The following ABCC12 variants were observed in gnomAD, a reference collection of about 807,000 sequenced individuals.
ABCC12 encodes ATP binding cassette subfamily C member 12.
Under a neutral mutation model 151.1 loss-of-function variants are expected in ABCC12, and 142 were observed. The observed-to-expected ratio is 0.94, with a 90% confidence interval of 0.82 to 1.08. The LOEUF is 1.08. ABCC12 is among the 50% of genes least tolerant of loss of function. The probability of loss-of-function intolerance (pLI) is 0.00; values close to 1 mark genes in which losing one functional copy is unlikely to be tolerated. For synonymous variants in ABCC12, 645 were observed against 646.4 expected, an observed-to-expected ratio of 1.00 and a Z score of 0.03; for missense variants, 1,638 against 1,691.1, an observed-to-expected ratio of 0.97 and a Z score of 0.55.
intron 24 of ABCC12, among the ~76,000 whole-genome samples, chr16:48,095,432 C>T (rs1963063029): frequency 6.6e-6 from 1 of 152,138 alleles, no homozygotes; most frequent in African/African-American, 2.4e-5. Context: ...AGAACTAACA[C>T]ACTAATTAAT....
intron 22 of ABCC12, among the ~76,000 whole-genome samples, chr16:48,102,966 T>C (rs1963359424): frequency 6.6e-6 from 1 of 152,154 alleles, no homozygotes; most frequent in African/African-American, 2.4e-5. Context: ...GCTGCCTACG[T>C]CTGGTCCTCA....
chr16:48,132,153 G>A (rs1028051518), intron 9 of ABCC12, among the ~76,000 whole-genome samples: 1 of 152,118 alleles, frequency 6.6e-6, no homozygotes, highest in African/African-American at 2.4e-5. Flanking sequence ...GTTGCTGGAG[G>A]AAAAAAATAG....
chr16:48,138,138 G>T, intron 8 of ABCC12, 90 bp downstream of exon 8: 1 of 1,409,456 alleles, frequency 7.1e-7, no homozygotes, highest in Non-Finnish European at 9.4e-7. Context: ...GCCTCCTTCT[G>T]GAATGCCTGG....
intron 22 of ABCC12, among the ~76,000 whole-genome samples, chr16:48,102,021 G>A (rs577912111): frequency 1.3e-5 from 2 of 152,144 alleles, no homozygotes; most frequent in African/African-American, 4.8e-5. Flanking sequence ...GGAACCTAAG[G>A]CCAATTCACG....
In ABCC12 at chr16:48,146,445, C is replaced by A. The variant is rs1965007036; in HGVS notation, c.-21G>T. On this transcript the variant is annotated 5_prime_UTR_variant, in exon 3 of 31. The change creates a new upstream start codon in the 5' untranslated region. Transcript: ENST00000311303. ...ACCATCCTGATGGCAGCCTGGAGCCCTGGGCTTTTGGCCTGGGGACACTTT... is the reference window on the plus strand; with the variant it reads ...ACCATCCTGATGGCAGCCTGGAGCCATGGGCTTTTGGCCTGGGGACACTTT... 6.2e-7 allele frequency: 1 copy of A among 1,607,092 alleles called. No individual in the cohort carries two copies. Among genetic ancestry groups the A allele is most frequent in the Non-Finnish European group, 8.5e-7 (1 of 1,173,784 alleles).
At chr16:48,096,666 G>T in intron 24 of ABCC12, 80 bp downstream of exon 24, 1 of 1,434,418 alleles carries the variant, frequency 7.0e-7, no homozygotes, top group Admixed American at 1.8e-5. Flanking sequence ...GGTTTTTGTT[G>T]TGTCCATCCA....
At chr16:48,111,960 C>A (rs1225938941) in intron 15 of ABCC12, 50 bp from the exon 16 acceptor site, 1 of 1,587,914 alleles carries the variant, frequency 6.3e-7, no homozygotes, top group East Asian at 2.2e-5. Context: ...AAGGAGAGCC[C>A]ATGCCAAACT....
intron 15 of ABCC12, 74 bp downstream of exon 15, chr16:48,115,341 G>A: frequency 1.3e-6 from 2 of 1,499,954 alleles, no homozygotes; most frequent in Non-Finnish European, 1.8e-6. Context: ...ATAGGCAGAA[G>A]AGGAGGCTCT....
In ABCC12 at chr16:48,081,090, T is replaced by G. The variant is rs8046592; in HGVS notation, c.*2625A>C. ...CCTATTCATGAGGTCTCCACCCTCATGACCTAATTAATCACCTCCTAAAGG... is the reference window on the plus strand; with the variant it reads ...CCTATTCATGAGGTCTCCACCCTCAGGACCTAATTAATCACCTCCTAAAGG... On this transcript the variant is annotated 3_prime_UTR_variant, in exon 31 of 31. Coordinates refer to ENST00000311303, the MANE Select transcript of ABCC12 (RefSeq NM_001393797.1). Among the ~76,000 whole-genome samples, 2 of 152,014 alleles carry G rather than the reference T, an allele frequency of 1.3e-5. No individual in the cohort carries two copies. Among genetic ancestry groups the G allele is most frequent in the Non-Finnish European group, 2.9e-5 (2 of 68,034 alleles).
intron 1 of ABCC12, among the ~76,000 whole-genome samples, chr16:48,154,438 G>A (rs1965156705): frequency 6.6e-6 from 1 of 152,060 alleles, no homozygotes; most frequent in Admixed American, 6.6e-5. Context: ...TTCATGTGGT[G>A]ACAATCCACT....
intron 4 of ABCC12, among the ~76,000 whole-genome samples, chr16:48,142,328 T>C (rs61695297): frequency 0.032 from 4,908 of 152,238 alleles, 250 homozygotes; most frequent in African/African-American, 0.11. Context: ...GCCACGGACA[T>C]GTTATTGGGG....
chr16:48,136,139 G>C (rs1308191810), intron 8 of ABCC12, among the ~76,000 whole-genome samples: 1 of 152,196 alleles, frequency 6.6e-6, no homozygotes, highest in Non-Finnish European at 1.5e-5. Context: ...CCTTTTCAGT[G>C]ATCAGGGCAG....
intron 6 of ABCC12, among the ~76,000 whole-genome samples, chr16:48,139,579 G>A (rs1289790744): frequency 2.0e-5 from 3 of 152,130 alleles, no homozygotes; most frequent in Non-Finnish European, 4.4e-5. Context: ...TACCATCTGG[G>A]AGCATGCTGG....
rs1282330794 is a variant in ABCC12 at position 48,088,628 on chromosome 16, T to C, written c.3392A>G (p.Asp1131Gly). The change falls in exon 26 of 31, where the codon GAC (aspartate) becomes GGC (glycine). Residue 1131 changes from aspartate to glycine, a missense_variant. Asp to Gly is a moderately conservative substitution (Grantham distance 94, BLOSUM62 -1). Transcript: ENST00000311303. The stretch of plus-strand genomic sequence containing the variant: ...GCTGTCGAGAACAAGGGGGGTGTTG[T>C]CTCTGTATCTCATCTGATAGTCTCT... ...TFRDYQMRYR[D>G]NTPLVLDSLN... 4 of 1,614,098 alleles carry C rather than the reference T, an allele frequency of 2.5e-6. No homozygotes were observed. The highest frequency in any genetic ancestry group is 1.3e-5 in the African/African-American group (1 of 74,926).
At chr16:48,098,387 G>C (rs932486954) in intron 23 of ABCC12, among the ~76,000 whole-genome samples, 1 of 152,154 alleles carries the variant, frequency 6.6e-6, no homozygotes, top group Non-Finnish European at 1.5e-5. Flanking sequence ...CCCTGGCATA[G>C]CTGTGAATGG....
Position 48,083,890 on chromosome 16 carries a change from C to A in ABCC12, c.3993+19G>T, listed in dbSNP as rs765349844. 6.2e-6 allele frequency: 10 copies of A among 1,612,374 alleles called. No individual in the cohort carries two copies. The highest frequency in any genetic ancestry group is 8.5e-6 in the Non-Finnish European group (10 of 1,179,558). ...CACTGGACTTTCTGGGGAGGTGAAG[C>A]CAAAAGAGCTTCCTATACCTTCCCA... is the stretch of plus-strand genomic sequence containing the variant. On this transcript the variant is annotated intron_variant, in intron 30 of 30. Coordinates refer to ENST00000311303, the MANE Select transcript of ABCC12 (RefSeq NM_001393797.1).
chr16:48,147,824 A>G (rs1346665686), intron 2 of ABCC12, among the ~76,000 whole-genome samples: 1 of 152,236 alleles, frequency 6.6e-6, no homozygotes, highest in Non-Finnish European at 1.5e-5. Flanking sequence ...CTTCATCTCA[A>G]AAAGATAAAT....
At chr16:48,124,769 T>C (rs886497584) in intron 11 of ABCC12, among the ~76,000 whole-genome samples, 1 of 152,234 alleles carries the variant, frequency 6.6e-6, no homozygotes, top group African/African-American at 2.4e-5. Flanking sequence ...CAGCTCCAGA[T>C]TTATTAATTC....
chr16:48,095,497 C>G (rs983636386), intron 24 of ABCC12, among the ~76,000 whole-genome samples: 1 of 152,016 alleles, frequency 6.6e-6, no homozygotes, highest in Non-Finnish European at 1.5e-5. Flanking sequence ...AAAAATGATT[C>G]TTTTAAAAAC....
Sources: gnomAD v4.1 joint callset for allele counts (sites outside exome capture counted in the v4.1 genomes callset) on GRCh38, gnomAD v4.1.1 for gene constraint, MANE v1.5 for transcripts, NCBI Gene and HGNC (gene_info 2026-07-23, HGNC 2026-07-21) for gene names.